Variants in SCNN1B observed in about 807,000 individuals in gnomAD.
SCNN1B encodes the protein epithelial sodium channel subunit beta.
Under a neutral mutation model 65.3 loss-of-function variants are expected in SCNN1B, and 46 were observed. The ratio of observed to expected loss-of-function variants is 0.70; its 90% CI spans 0.56 to 0.90. The LOEUF is 0.90. Among genes scored for constraint, SCNN1B ranks in the 40% least tolerant of loss-of-function variants. SCNN1B has a pLI of 0.00. For missense variants in SCNN1B, 751 were observed against 830.5 expected (o/e 0.90, Z 1.18); for synonymous variants, 349 against 330.6 (o/e 1.06, Z -0.60).
At chr16:23,306,064 G>A (rs981104002) in intron 1 of SCNN1B, among the ~76,000 whole-genome samples, 4 of 152,098 alleles carry the variant, frequency 2.6e-5, no homozygotes, top group Non-Finnish European at 5.9e-5. Flanking sequence ...CCAACGGGGT[G>A]AAGCTCCATC....
At position 23,318,880 on chromosome 16, in the gene SCNN1B, C is replaced by T. The variant is rs1047713249; in HGVS notation, c.-9+16443C>T. On this transcript the variant is annotated intron_variant, in intron 1 of 12. Transcript: ENST00000343070. ...CAACCTGAAGTCTTTGGCCTAGGGC[C>T]AGATCAAGCTGGTACTTGATTGGGC... Among the ~76,000 whole-genome samples the T allele has an allele frequency of 2.6e-5, 4 of 152,324 alleles. No homozygotes were observed. The East Asian group carries it at 7.7e-4, about 29-fold the overall frequency.
At chr16:23,361,982 G>C (rs73544458) in intron 4 of SCNN1B, among the ~76,000 whole-genome samples, 6,161 of 151,930 alleles carry the variant, frequency 0.041, 423 homozygotes, top group African/African-American at 0.14. Context: ...TAAAGTGCTG[G>C]GATTACAGGA....
At chr16:23,294,798 G>A (rs1960972764) in intron 2 of SCNN1B, among the ~76,000 whole-genome samples, 1 of 152,024 alleles carries the variant, frequency 6.6e-6, no homozygotes, top group South Asian at 2.1e-4. Flanking sequence ...CTCAAAACCA[G>A]CCTGACCAAC....
At chr16:23,313,971 G>A (rs1234319207) in intron 1 of SCNN1B, among the ~76,000 whole-genome samples, 1 of 152,018 alleles carries the variant, frequency 6.6e-6, no homozygotes, top group South Asian at 2.1e-4. Context: ...AATTCTTTCA[G>A]CAACCATATG....
chr16:23,374,268 G>GAAAAAAAAA (rs1223701346), intron 7 of SCNN1B, among the ~76,000 whole-genome samples: 1,160 of 60,318 alleles, frequency 0.019, 69 homozygotes, highest in Non-Finnish European at 0.023. Flanking sequence ...CCTGTCTCAG[G>GAAAAAAAAA]AAAAAAAAAA....
intron 1 of SCNN1B, among the ~76,000 whole-genome samples, chr16:23,328,714 A>C (rs868360990): frequency 6.6e-6 from 1 of 152,232 alleles, no homozygotes; most frequent in South Asian, 2.1e-4. Flanking sequence ...GTCCTGCAAC[A>C]ATTTGGTTAA....
intron 3 of SCNN1B, 139 bp downstream of exon 3, chr16:23,353,213 A>AT (rs763943350): frequency 1.0e-5 from 11 of 1,060,100 alleles, no homozygotes; most frequent in Non-Finnish European, 1.5e-5. Context: ...GTTTGCAGAG[A>AT]TTTTTTAAAA....
chr16:23,321,688 C>T (rs1036841660), intron 1 of SCNN1B, among the ~76,000 whole-genome samples: 3 of 152,148 alleles, frequency 2.0e-5, no homozygotes, highest in South Asian at 2.1e-4. Context: ...GTTCCTGGCA[C>T]GTTAGGTACT....
rs750710383 is a variant in SCNN1B at position 23,371,841 on chromosome 16, C to T, written c.1110C>T (p.Val370=). The T allele has an allele frequency of 6.2e-7, 1 of 1,614,222 alleles. No homozygotes were observed. The highest frequency in any genetic ancestry group is 2.2e-5 in the East Asian group (1 of 44,884). ...PCTVNGSEVP[V]QNFYSDYNTT... ...CCGTGAATGGTTCTGAGGTCCCCGT[C>T]CAAAACTTCTACAGTGACTACAACA... The change falls in exon 7 of 13, where the codon GTC becomes GTT. Residue 370 remains valine, a synonymous_variant. Coordinates refer to ENST00000343070, the MANE Select transcript of SCNN1B (RefSeq NM_000336.3).
chr16:23,287,973 G>A (rs896483506), intron 2 of SCNN1B, among the ~76,000 whole-genome samples: 4 of 145,286 alleles, frequency 2.8e-5, no homozygotes, highest in African/African-American at 1.1e-4. Context: ...TGGGCAACAT[G>A]GTGAAACCCC....
intron 1 of SCNN1B, among the ~76,000 whole-genome samples, chr16:23,313,407 C>T (rs116427895): frequency 2.0e-5 from 3 of 152,300 alleles, no homozygotes; most frequent in Non-Finnish European, 2.9e-5. Flanking sequence ...CTGAAGACCC[C>T]TCTACAAAGG....
chr16:23,355,601 G>A, intron 4 of SCNN1B, 112 bp downstream of exon 4: 1 of 1,030,776 alleles, frequency 9.7e-7, no homozygotes, highest in Non-Finnish European at 1.5e-6. Context: ...CCACTTACCG[G>A]CTATCTGCAG....
At chr16:23,343,522 A>T (rs1962103637) in intron 1 of SCNN1B, among the ~76,000 whole-genome samples, 1 of 128,288 alleles carries the variant, frequency 7.8e-6, no homozygotes, top group Non-Finnish European at 1.7e-5. Context: ...GGAAGGAAGG[A>T]AGGAAGAAAG....
intron 1 of SCNN1B, among the ~76,000 whole-genome samples, chr16:23,331,733 G>T (rs1469112002): frequency 1.3e-5 from 2 of 152,142 alleles, no homozygotes; most frequent in African/African-American, 2.4e-5. Flanking sequence ...AATTTGGTGG[G>T]GGGACACATT....
intron 1 of SCNN1B, among the ~76,000 whole-genome samples, chr16:23,280,554 G>A (rs920758938): frequency 6.6e-6 from 1 of 152,104 alleles, no homozygotes; most frequent in East Asian, 1.9e-4. Flanking sequence ...AGTTTTCCAC[G>A]TATTAAACAA....
chr16:23,325,908 AATAAATAAATAAAT>A lies in SCNN1B; in HGVS notation c.-8-22674_-8-22661del, dbSNP rs1418723825. ...TCTCTAATAAATAAATAAATAAATA[AATAAATAAATAAAT>A]ATAAATAAAAGCCACACAGCTGTAG... On this transcript the variant is annotated intron_variant, in intron 1 of 12. Coordinates refer to ENST00000343070, the MANE Select transcript of SCNN1B (RefSeq NM_000336.3). Among the ~76,000 whole-genome samples, 215 of 127,674 alleles carry A rather than the reference AATAAATAAATAAAT, an allele frequency of 1.7e-3. 1 individual carries two copies. Among genetic ancestry groups the A allele is most frequent in the African/African-American group, 7.7e-3 (205 of 26,672 alleles). 83.8% of individuals were successfully genotyped at this position (127,674 alleles called of 152,430 possible).
At chr16:23,289,731 A>C (rs1210194114) in intron 2 of SCNN1B, among the ~76,000 whole-genome samples, 1 of 142,868 alleles carries the variant, frequency 7.0e-6, no homozygotes. Flanking sequence ...GCTGGAGTGC[A>C]GTGGCACGAT....
intron 1 of SCNN1B, among the ~76,000 whole-genome samples, chr16:23,335,227 AT>A (rs913519477): frequency 3.9e-5 from 6 of 152,136 alleles, no homozygotes; most frequent in African/African-American, 9.7e-5. Flanking sequence ...GGAGTAAATA[AT>A]TTTTTTATGT....
At chr16:23,291,733 A>G (rs891855258) in intron 2 of SCNN1B, among the ~76,000 whole-genome samples, 1 of 141,252 alleles carries the variant, frequency 7.1e-6, no homozygotes, top group Non-Finnish European at 1.5e-5. Flanking sequence ...CACCACCACC[A>G]CGCAGCTAAT....
Sources: allele counts gnomAD v4.1 joint callset (sites outside exome capture counted in the v4.1 genomes callset), GRCh38; gene constraint gnomAD v4.1.1; transcripts MANE v1.5; gene names NCBI Gene and HGNC (gene_info 2026-07-23, HGNC 2026-07-21).